The following PDLIM5 variants were observed in gnomAD, a reference collection of about 807,000 sequenced individuals.
PDLIM5 encodes PDZ and LIM domain 5.
Under a neutral mutation model 64.2 loss-of-function variants are expected in PDLIM5, and 34 were observed. The ratio of observed to expected loss-of-function variants is 0.53; its 90% CI spans 0.40 to 0.71. The LOEUF is 0.71. PDLIM5 is among the 30% of genes least tolerant of loss of function. The probability of loss-of-function intolerance (pLI) is 0.00; values close to 1 mark genes in which losing one functional copy is unlikely to be tolerated. For missense variants in PDLIM5, 683 were observed against 733.6 expected, an observed-to-expected ratio of 0.93 and a Z score of 0.80; for synonymous variants, 253 against 269.1, an observed-to-expected ratio of 0.94 and a Z score of 0.59.
chr4:94,662,367 C>G, intron 11 of PDLIM5, 55 bp from the exon 12 acceptor site: 1 of 811,094 alleles, frequency 1.2e-6, no homozygotes, highest in Middle Eastern at 2.3e-4. Flanking sequence ...TAGGAACGAT[C>G]ATTCTAAAAC....
At chr4:94,648,524 T>A (rs1741592333) in intron 9 of PDLIM5, among the ~76,000 whole-genome samples, 2 of 152,186 alleles carry the variant, frequency 1.3e-5, no homozygotes, top group African/African-American at 4.8e-5. Context: ...GGCCTCGAAC[T>A]CCTGGCCTCA....
chr4:94,559,342 A>C (rs975739436), intron 3 of PDLIM5, among the ~76,000 whole-genome samples: 1 of 152,196 alleles, frequency 6.6e-6, no homozygotes. Flanking sequence ...TCTGTTGCCA[A>C]ACATTTCTTC....
At chr4:94,578,423 C>T (rs1339186888) in intron 5 of PDLIM5, among the ~76,000 whole-genome samples, 1 of 152,122 alleles carries the variant, frequency 6.6e-6, no homozygotes, top group Non-Finnish European at 1.5e-5. Flanking sequence ...GCATCATTTT[C>T]AGGCAAGTTA....
In PDLIM5 at chr4:94,664,991, A is replaced by G. The variant is rs978055593; in HGVS notation, c.*924A>G. The G allele has an allele frequency of 1.0e-6, 1 of 983,110 alleles. No individual in the cohort carries two copies. The highest frequency in any genetic ancestry group is 1.7e-5 in the African/African-American group (1 of 57,146). The allele number at this position is 983,110 out of a possible 1,614,324, so 60.9% of individuals were successfully genotyped here. ...GTAAGAGATGTTATATTCTTTTCTC[A>G]TTTCTTCCCCACCCAAAAATAAGCT... is the stretch of plus-strand genomic sequence containing the variant. On this transcript the variant is annotated 3_prime_UTR_variant, in exon 13 of 13. Transcript: ENST00000317968.
intron 2 of PDLIM5, among the ~76,000 whole-genome samples, chr4:94,478,465 G>A (rs1254016290): frequency 1.3e-5 from 2 of 151,926 alleles, no homozygotes; most frequent in East Asian, 3.9e-4. Flanking sequence ...AGAGTCAACT[G>A]TATTTATAAA....
At chr4:94,453,453 GA>G (rs1723043819) in intron 1 of PDLIM5, among the ~76,000 whole-genome samples, 1 of 152,156 alleles carries the variant, frequency 6.6e-6, no homozygotes, top group South Asian at 2.1e-4. Context: ...ACAAATGAGA[GA>G]AGTTAGGAAG....
chr4:94,560,511 A>C (rs1210947081), intron 3 of PDLIM5, among the ~76,000 whole-genome samples: 1 of 152,172 alleles, frequency 6.6e-6, no homozygotes, highest in Admixed American at 6.5e-5. Context: ...TGTCCTGAGT[A>C]CCTTATTGTT....
chr4:94,505,014 G>A (rs893113115), intron 2 of PDLIM5, among the ~76,000 whole-genome samples: 10 of 152,128 alleles, frequency 6.6e-5, no homozygotes, highest in African/African-American at 1.9e-4. Context: ...TTAAAGAGAT[G>A]GGCAGTGGGG....
At chr4:94,573,052 G>A (rs376520291) in intron 3 of PDLIM5, among the ~76,000 whole-genome samples, 2 of 152,140 alleles carry the variant, frequency 1.3e-5, no homozygotes, top group East Asian at 1.9e-4. Context: ...TATCCTTAAC[G>A]ATTAAACACG....
At chr4:94,549,293 C>T (rs1054698502) in intron 3 of PDLIM5, among the ~76,000 whole-genome samples, 8 of 152,100 alleles carry the variant, frequency 5.3e-5, no homozygotes, top group Admixed American at 3.3e-4. Flanking sequence ...CCCTTTTTCT[C>T]TGTCTCGATG....
chr4:94,609,104 T>C (rs10001372), intron 7 of PDLIM5, among the ~76,000 whole-genome samples: 151,536 of 152,314 alleles, frequency 0.99, 75,380 homozygotes, highest in East Asian at 1. Context: ...TCAAATTCTT[T>C]TGACAGGAAA....
At chr4:94,513,616 G>A (rs1024621366) in intron 2 of PDLIM5, among the ~76,000 whole-genome samples, 1 of 152,142 alleles carries the variant, frequency 6.6e-6, no homozygotes, top group African/African-American at 2.4e-5. Context: ...GTTTGTGTGC[G>A]TGTGTGTATT....
chr4:94,585,835 C>T, intron 6 of PDLIM5, 98 bp downstream of exon 6: 2 of 904,888 alleles, frequency 2.2e-6, no homozygotes, highest in Non-Finnish European at 3.5e-6. Flanking sequence ...AACCCCGAGA[C>T]AGTTTGCTTT....
At chr4:94,599,024 A>G (rs1737282441) in intron 7 of PDLIM5, among the ~76,000 whole-genome samples, 1 of 152,146 alleles carries the variant, frequency 6.6e-6, no homozygotes, top group African/African-American at 2.4e-5. Flanking sequence ...GATTACGTGA[A>G]GTACTCAGGG....
chr4:94,585,099 G>GT (rs957251708), intron 5 of PDLIM5: 17 of 711,870 alleles, frequency 2.4e-5, no homozygotes, highest in Middle Eastern at 4.0e-4. Context: ...TTTTTGTTTT[G>GT]TTTTTTTGTG....
chr4:94,633,328 G>A (rs1740304711), intron 8 of PDLIM5, among the ~76,000 whole-genome samples: 1 of 152,086 alleles, frequency 6.6e-6, no homozygotes, highest in African/African-American at 2.4e-5. Context: ...AAGCAACGTG[G>A]ATATTTTTTT....
chr4:94,617,645 A>C (rs941786532), intron 7 of PDLIM5, among the ~76,000 whole-genome samples: 5 of 98,992 alleles, frequency 5.1e-5, no homozygotes, highest in Middle Eastern at 5.1e-3. Context: ...CTGTGTCTAC[A>C]AAAAAAAAAA....
At chr4:94,501,136 G>A (rs552610754) in intron 2 of PDLIM5, among the ~76,000 whole-genome samples, 1 of 150,560 alleles carries the variant, frequency 6.6e-6, no homozygotes, top group African/African-American at 2.5e-5. Flanking sequence ...ACAGTGGCAG[G>A]AACACACCTC....
intron 11 of PDLIM5, among the ~76,000 whole-genome samples, chr4:94,662,036 G>A (rs1160212220): frequency 6.6e-6 from 1 of 152,030 alleles, no homozygotes; most frequent in African/African-American, 2.4e-5. Context: ...GGCCAGGATG[G>A]TCTCAATCTC....
Sources: allele counts gnomAD v4.1 joint callset (sites outside exome capture counted in the v4.1 genomes callset), GRCh38; gene constraint gnomAD v4.1.1; transcripts MANE v1.5; gene names NCBI Gene and HGNC (gene_info 2026-07-23, HGNC 2026-07-21).